GDAP1: variants seen among roughly 807,000 people sequenced by gnomAD.
GDAP1 encodes the protein ganglioside induced differentiation associated protein 1.
In GDAP1, 34 loss-of-function variants were observed where a neutral mutation model predicts 40.1. That is an observed-to-expected ratio of 0.85 (90% confidence interval 0.64 to 1.13). The LOEUF (loss-of-function observed/expected upper bound fraction) is 1.13. Ranked by LOEUF, GDAP1 falls within the 50% of genes most tolerant of loss-of-function variation. The pLI is 0.00. For synonymous variants in GDAP1, 170 were observed against 157.4 expected (o/e 1.08, Z -0.60); for missense variants, 374 against 433.7 (o/e 0.86, Z 1.22).
At chr8:74,418,620 AT>A (rs1336244649) in intron 2 of GDAP1, among the ~76,000 whole-genome samples, 1 of 152,236 alleles carries the variant, frequency 6.6e-6, no homozygotes, top group East Asian at 1.9e-4. Context: ...AGGCAAAGAA[AT>A]CTTAGGCATG....
At chr8:74,414,279 A>C (rs1805751924) in intron 2 of GDAP1, among the ~76,000 whole-genome samples, 1 of 150,264 alleles carries the variant, frequency 6.7e-6, no homozygotes, top group Non-Finnish European at 1.5e-5. Context: ...ATGAAGCATC[A>C]AGAAATCACA....
downstream of GDAP1, among the ~76,000 whole-genome samples, chr8:74,368,598 T>G (rs9298239): frequency 0.99 from 151,329 of 152,280 alleles, 75,197 homozygotes; most frequent in East Asian, 1. Context: ...ACTACATGAG[T>G]CCTATCAGAG....
rs1586795373 is a variant in GDAP1, at chr8:74,351,403, G to A, written c.247G>A (p.Gly83Arg). The A allele has an allele frequency of 1.2e-6, 2 of 1,613,812 alleles. No individual in the cohort carries two copies. The highest frequency in any genetic ancestry group is 1.1e-5 in the South Asian group (1 of 91,076). ...STGEVPVLIH[G>R]ENIICEATQI... Reference sequence around the variant, plus strand: ...TGGAGAAGTGCCTGTCCTTATCCACGGGGAAAACATAATTTGTGAGGCCAC... The same window carrying A: ...TGGAGAAGTGCCTGTCCTTATCCACAGGGAAAACATAATTTGTGAGGCCAC... Residue 83 changes from glycine (G) to arginine (R), a missense_variant, in exon 2 of 6, where the codon GGG becomes AGG. By Grantham distance (125) the Gly-to-Arg change is moderately radical. Coordinates refer to ENST00000220822, the MANE Select transcript of GDAP1 (RefSeq NM_018972.4).
At chr8:74,480,696 G>A (rs117845400) in intron 2 of GDAP1, among the ~76,000 whole-genome samples, 4,915 of 152,258 alleles carry the variant, frequency 0.032, 87 homozygotes, top group Non-Finnish European at 0.051. Context: ...CATTTCTAGA[G>A]GTCAACTTTT....
At chr8:74,401,210 C>A (rs1400055774) in intron 2 of GDAP1, among the ~76,000 whole-genome samples, 2 of 149,166 alleles carry the variant, frequency 1.3e-5, no homozygotes, top group Non-Finnish European at 2.9e-5. Flanking sequence ...TAGATTTGGT[C>A]TTTTCACATA....
chr8:74,422,307 TTC>T (rs1464303602), intron 2 of GDAP1, among the ~76,000 whole-genome samples: 2 of 44,690 alleles, frequency 4.5e-5, no homozygotes, highest in Non-Finnish European at 7.5e-5. Context: ...CTTTCTTTCT[TTC>T]TTTCTTTCTT....
intron 2 of GDAP1, among the ~76,000 whole-genome samples, chr8:74,388,376 G>C (rs183161701): frequency 3.3e-5 from 5 of 151,974 alleles, no homozygotes; most frequent in African/African-American, 1.2e-4. Context: ...CTGGTACGCT[G>C]TGTTTTTGTT....
intron 2 of GDAP1, among the ~76,000 whole-genome samples, chr8:74,485,679 G>A (rs1586850079): frequency 6.6e-6 from 1 of 152,018 alleles, no homozygotes. Flanking sequence ...AGAGAGGCTT[G>A]GTCTTCCAAG....
At chr8:74,402,940 T>C (rs530504756) in intron 2 of GDAP1, among the ~76,000 whole-genome samples, 1 of 149,956 alleles carries the variant, frequency 6.7e-6, no homozygotes, top group African/African-American at 2.5e-5. Flanking sequence ...TAAAGACAAT[T>C]CAAGTTTCAA....
At chr8:74,399,526 G>A (rs1045566279) in intron 2 of GDAP1, among the ~76,000 whole-genome samples, 1 of 146,726 alleles carries the variant, frequency 6.8e-6, no homozygotes, top group Non-Finnish European at 1.5e-5. Context: ...ATTTTTTGAA[G>A]GGTTTTTTGT....
intron 2 of GDAP1, among the ~76,000 whole-genome samples, chr8:74,458,071 G>A (rs1020434600): frequency 6.6e-6 from 1 of 151,982 alleles, no homozygotes; most frequent in Non-Finnish European, 1.5e-5. Flanking sequence ...AAAACATAGA[G>A]TTGAAGTCAT....
chr8:74,390,557 C>T (rs997652828), intron 2 of GDAP1, among the ~76,000 whole-genome samples: 2 of 152,292 alleles, frequency 1.3e-5, no homozygotes, highest in South Asian at 2.1e-4. Context: ...GTAGAAGCTT[C>T]GTCCCAGAGG....
intron 2 of GDAP1, among the ~76,000 whole-genome samples, chr8:74,378,075 G>GGACA (rs1809887276): frequency 6.6e-6 from 1 of 152,208 alleles, no homozygotes; most frequent in Non-Finnish European, 1.5e-5. Context: ...CCCTGAACTT[G>GGACA]TCCTATGTCT....
intron 2 of GDAP1, among the ~76,000 whole-genome samples, chr8:74,460,375 G>C (rs554838971): frequency 6.6e-6 from 1 of 152,280 alleles, no homozygotes; most frequent in South Asian, 2.1e-4. Flanking sequence ...TCCAAATCTT[G>C]ATTCTCCTCC....
chr8:74,355,942 A>T (rs1425274287), intron 2 of GDAP1, among the ~76,000 whole-genome samples: 1 of 152,116 alleles, frequency 6.6e-6, no homozygotes, highest in Non-Finnish European at 1.5e-5. Context: ...AATGTTATTT[A>T]TAAAATACAT....
At chr8:74,462,738 G>C (rs931835536) in intron 2 of GDAP1, among the ~76,000 whole-genome samples, 2 of 151,766 alleles carry the variant, frequency 1.3e-5, no homozygotes, top group African/African-American at 4.8e-5. Flanking sequence ...CTAAGAAGAG[G>C]GTAAAACAAA....
intron 2 of GDAP1, among the ~76,000 whole-genome samples, chr8:74,419,485 C>T (rs532094732): frequency 1.3e-5 from 2 of 152,128 alleles, no homozygotes; most frequent in East Asian, 3.9e-4. Context: ...AGAACATATT[C>T]GGGTTTGGGG....
intron 2 of GDAP1, among the ~76,000 whole-genome samples, chr8:74,458,897 A>ACT (rs771523753): frequency 7.2e-5 from 11 of 151,914 alleles, no homozygotes; most frequent in Non-Finnish European, 1.6e-4. Context: ...AGAAGATAGA[A>ACT]AAGAGGCCAG....
intron 2 of GDAP1, among the ~76,000 whole-genome samples, chr8:74,428,227 TAACAACAAC>T (rs112829936): frequency 1.3e-5 from 2 of 151,196 alleles, no homozygotes; most frequent in Admixed American, 6.6e-5. Context: ...ACCCCATTGC[TAACAACAAC>T]AACAACAACA....
Sources: gnomAD v4.1 joint callset for allele counts (sites outside exome capture counted in the v4.1 genomes callset) on GRCh38, gnomAD v4.1.1 for gene constraint, MANE v1.5 for transcripts, NCBI Gene and HGNC (gene_info 2026-07-23, HGNC 2026-07-21) for gene names.